The following C9orf85 variants were observed in gnomAD, a reference collection of about 807,000 sequenced individuals.
C9orf85 encodes the protein uncharacterized protein C9orf85.
A neutral mutation model predicts 14.9 loss-of-function variants in C9orf85; 16 were observed. The observed-to-expected ratio is 1.08, with a 90% CI of 0.73 to 1.63. The LOEUF is 1.63. Among genes scored for constraint, C9orf85 ranks in the 40% most tolerant of loss-of-function variants. The probability of loss-of-function intolerance (pLI) is 0.00; values close to 1 mark genes in which losing one functional copy is unlikely to be tolerated. For synonymous variants in C9orf85, 45 were observed against 56.8 expected (o/e 0.79, Z 0.93); for missense variants, 172 against 186.1 (o/e 0.92, Z 0.44).
At chr9:71,963,988 G>A (rs1238054982) in intron 2 of C9orf85, among the ~76,000 whole-genome samples, 2 of 152,188 alleles carry the variant, frequency 1.3e-5, no homozygotes, top group African/African-American at 4.8e-5. Context: ...ACGGGGTGAA[G>A]CCAGCTGGGC....
chr9:71,958,687 T>C (rs560440075), intron 2 of C9orf85, among the ~76,000 whole-genome samples: 20 of 152,262 alleles, frequency 1.3e-4, no homozygotes, highest in African/African-American at 3.9e-4. Context: ...GGTATCCGTA[T>C]AGAATCTCCA....
At chr9:71,967,713 CTTTTTTTTTTTT>C (rs55750667) in intron 2 of C9orf85, among the ~76,000 whole-genome samples, 241 of 94,092 alleles carry the variant, frequency 2.6e-3, no homozygotes, top group Admixed American at 4.5e-3. Flanking sequence ...TATGACCTTT[CTTTTTTTTTTTT>C]TTTTTTTTTT....
At chr9:71,921,928 T>TATTATTATTATTA (rs1554705989) in intron 1 of C9orf85, among the ~76,000 whole-genome samples, 129 of 113,858 alleles carry the variant, frequency 1.1e-3, no homozygotes, top group African/African-American at 3.5e-3. Flanking sequence ...TTATTTTTTT[T>TATTATTATTATTA]TTATTATTAT....
rs74357809 is a variant in C9orf85 at position 71,944,291 on chromosome 9, A to G, written c.103-2715A>G. Among the ~76,000 whole-genome samples, 1,383 of 151,914 alleles carry G rather than the reference A, an allele frequency of 9.1e-3. 21 individuals carry two copies. The highest frequency in any genetic ancestry group is 0.031 in the African/African-American group (1,282 of 41,438). ...AAGACATTTTTAAGACGTTATGTAT[A>G]TATTAAGTAGGCATGTTTTTTGATG... On this transcript the variant is annotated intron_variant, in intron 1 of 3. Coordinates refer to ENST00000334731, the MANE Select transcript of C9orf85 (RefSeq NM_182505.5).
downstream of C9orf85, among the ~76,000 whole-genome samples, chr9:71,976,653 C>A (rs772364258): frequency 3.3e-4 from 48 of 147,086 alleles, no homozygotes; most frequent in Non-Finnish European, 5.4e-4. Flanking sequence ...CAGAGCGAGA[C>A]TCCATCTCAA....
chr9:71,922,585 T>C (rs1385367262), intron 1 of C9orf85, among the ~76,000 whole-genome samples: 1 of 152,214 alleles, frequency 6.6e-6, no homozygotes, highest in Non-Finnish European at 1.5e-5. Flanking sequence ...ACTCAAAAAC[T>C]GTAGCTCCTC....
At chr9:71,959,135 CT>C (rs1035865814) in intron 2 of C9orf85, among the ~76,000 whole-genome samples, 513 of 145,032 alleles carry the variant, frequency 3.5e-3, no homozygotes, top group Non-Finnish European at 5.4e-3. Context: ...ACATTTTCTT[CT>C]TTTTTTTTTT....
rs76055952 is a variant in C9orf85, at chr9:71,920,200, G to T, written c.102+8364G>T. ...CTGATATAATATAATTTTTTTGTGT[G>T]CATTAATCATATATTTTAGGTACTT... On this transcript the variant is annotated intron_variant, in intron 1 of 3. Coordinates refer to ENST00000334731, the MANE Select transcript of C9orf85 (RefSeq NM_182505.5). 9.4e-3 allele frequency among the ~76,000 whole-genome samples: 1,434 copies of T among 152,116 alleles called. 24 individuals are homozygous for T. The highest frequency in any genetic ancestry group is 0.033 in the African/African-American group (1,359 of 41,486).
intron 1 of C9orf85, among the ~76,000 whole-genome samples, chr9:71,945,992 T>A (rs1822077622): frequency 6.6e-6 from 1 of 152,186 alleles, no homozygotes; most frequent in South Asian, 2.1e-4. Context: ...AGAAAATACA[T>A]GACACATTTA....
At chr9:71,925,662 A>G (rs1827914341) in intron 1 of C9orf85, among the ~76,000 whole-genome samples, 1 of 152,202 alleles carries the variant, frequency 6.6e-6, no homozygotes, top group Non-Finnish European at 1.5e-5. Flanking sequence ...TAGCTGAAAG[A>G]GACTGTTTTA....
intron 1 of C9orf85, among the ~76,000 whole-genome samples, chr9:71,912,785 G>C (rs1827546536): frequency 1.3e-5 from 2 of 152,178 alleles, no homozygotes; most frequent in African/African-American, 4.8e-5. Context: ...TCGGGAGGCT[G>C]AGGCAGGGGA....
chr9:71,956,415 A>C (rs867482429), intron 2 of C9orf85, among the ~76,000 whole-genome samples: 3 of 151,768 alleles, frequency 2.0e-5, no homozygotes, highest in South Asian at 2.1e-4. Flanking sequence ...ACGCTCAGCT[A>C]ATTTTGTATT....
intron 2 of C9orf85, 78 bp from the exon 3 acceptor site, chr9:71,971,427 T>A (rs556984339): frequency 1.3e-6 from 1 of 774,068 alleles, no homozygotes; most frequent in South Asian, 2.5e-5. Flanking sequence ...TTTTTAACTA[T>A]ACATTTAGAC....
At chr9:71,966,559 A>T (rs1822696261) in intron 2 of C9orf85, among the ~76,000 whole-genome samples, 1 of 152,200 alleles carries the variant, frequency 6.6e-6, no homozygotes, top group Non-Finnish European at 1.5e-5. Context: ...TAATACATAG[A>T]TTAACAAGGG....
chr9:71,927,260 G>A (rs1827952393), intron 1 of C9orf85, among the ~76,000 whole-genome samples: 2 of 72,564 alleles, frequency 2.8e-5, no homozygotes, highest in Admixed American at 2.2e-4. Context: ...CAGGCTGAAA[G>A]TTTGTCAAAA....
intron 2 of C9orf85, among the ~76,000 whole-genome samples, chr9:71,956,144 C>CATT (rs1407888172): frequency 6.7e-6 from 1 of 150,330 alleles, no homozygotes; most frequent in African/African-American, 2.4e-5. Context: ...GACATCTGAA[C>CATT]ATTATATGCC....
chr9:71,941,794 A>G (rs1418442745), intron 1 of C9orf85: 1 of 152,132 alleles, frequency 6.6e-6, no homozygotes, highest in Non-Finnish European at 1.5e-5. Context: ...GTTATCTTTC[A>G]TTTTTCTTAG....
intron 1 of C9orf85, chr9:71,918,367 C>T: frequency 1.9e-6 from 2 of 1,052,306 alleles, no homozygotes; most frequent in South Asian, 2.7e-5. Context: ...TTGAATATCT[C>T]AGCTAACCAC....
At chr9:71,956,245 T>G (rs1160463029) in intron 2 of C9orf85, among the ~76,000 whole-genome samples, 37 of 132,994 alleles carry the variant, frequency 2.8e-4, no homozygotes, top group African/African-American at 1.1e-3. Flanking sequence ...TGCAAAAGTT[T>G]TTTTTTTTTT....
Sources: gnomAD v4.1 joint callset for allele counts (sites outside exome capture counted in the v4.1 genomes callset) on GRCh38, gnomAD v4.1.1 for gene constraint, MANE v1.5 for transcripts, NCBI Gene and HGNC (gene_info 2026-07-23, HGNC 2026-07-21) for gene names.